The following USP45 variants were observed in gnomAD, a reference collection of about 807,000 sequenced individuals.
USP45 encodes ubiquitin specific peptidase 45.
Under a neutral mutation model 95.8 loss-of-function variants are expected in USP45, and 89 were observed. The ratio of observed to expected loss-of-function variants is 0.93; its 90% CI spans 0.78 to 1.11. The LOEUF is 1.11. Among genes scored for constraint, USP45 ranks in the 50% least tolerant of loss-of-function variants. USP45 has a pLI of 0.00. For missense variants in USP45, 898 were observed against 942.5 expected, an observed-to-expected ratio of 0.95 and a Z score of 0.62; for synonymous variants, 281 against 316.2, an observed-to-expected ratio of 0.89 and a Z score of 1.18.
chr6:99,449,786 C>G (rs1287948194), intron 13 of USP45, among the ~76,000 whole-genome samples: 1 of 152,178 alleles, frequency 6.6e-6, no homozygotes, highest in Non-Finnish European at 1.5e-5. Flanking sequence ...GGAAGTCAAG[C>G]ACTCCTCAGC....
intron 4 of USP45, among the ~76,000 whole-genome samples, 182 bp from the exon 5 acceptor site, chr6:99,504,047 G>T (rs557073936): frequency 6.6e-6 from 1 of 152,338 alleles, no homozygotes; most frequent in South Asian, 2.1e-4. Flanking sequence ...GAGACTTACA[G>T]TTGAAATGAA....
intron 13 of USP45, chr6:99,462,205 A>G (rs1786626364): frequency 1.0e-6 from 1 of 977,108 alleles, no homozygotes; most frequent in Non-Finnish European, 1.2e-6. Context: ...ATTATATGAA[A>G]AAAATTTTCA....
chr6:99,470,280 G>T (rs1269547905), intron 9 of USP45, among the ~76,000 whole-genome samples: 2 of 152,140 alleles, frequency 1.3e-5, no homozygotes, highest in Non-Finnish European at 2.9e-5. Flanking sequence ...ATGCCCTGCT[G>T]CCTGGATAAG....
intron 7 of USP45, among the ~76,000 whole-genome samples, chr6:99,484,004 G>GTTTTTTTTTTTT (rs773687208): frequency 3.3e-5 from 3 of 91,458 alleles, no homozygotes; most frequent in Admixed American, 1.5e-4. Flanking sequence ...ATTTTCCATA[G>GTTTTTTTTTTTT]TTTTTTTTTT....
At chr6:99,483,844 CAAAAA>C (rs71276584) in intron 7 of USP45, among the ~76,000 whole-genome samples, 3 of 86,586 alleles carry the variant, frequency 3.5e-5, no homozygotes, top group African/African-American at 4.7e-5. Context: ...GACTCCGTCT[CAAAAA>C]AAAAAAAAAA....
chr6:99,462,983 ATAATTAAT>A (rs34485253), intron 13 of USP45, among the ~76,000 whole-genome samples: 3 of 152,068 alleles, frequency 2.0e-5, no homozygotes, highest in Non-Finnish European at 4.4e-5. Context: ...CTCTGTCTCA[ATAATTAAT>A]TAATTAATTA....
chr6:99,462,829 CA>C lies in USP45; in HGVS notation c.1308+1774del, dbSNP rs35198274. The C allele has an allele frequency of 1.0e-3, 328 of 323,244 alleles. 6 individuals are homozygous for C. In the East Asian group the frequency reaches 0.036, roughly 36 times the overall value. 20.0% of individuals were successfully genotyped at this position (323,244 alleles called of 1,614,324 possible). A position where few individuals can be genotyped will look rare whatever the true frequency, so the allele number is the denominator to read the frequency against. ...AAAACCCTATCTCTACAAAAAATAA[CA>C]AAAATTAGCCGGGCATGGTGGTGTG... On this transcript the variant is annotated intron_variant, in intron 13 of 17. Transcript: ENST00000500704.
rs186556398 is a variant in USP45, at chr6:99,463,570, T to C, written c.1308+1034A>G. Among the ~76,000 whole-genome samples the C allele has an allele frequency of 1.2e-4, 18 of 152,160 alleles. No individual in the cohort carries two copies. In the East Asian group the frequency reaches 2.9e-3, roughly 24 times the overall value. ...AGAGATTTAAGAGACATGGCAATCA[T>C]TGGGAGGCTGAGGCGGGTGGATCAT... is the stretch of plus-strand genomic sequence containing the variant. On this transcript the variant is annotated intron_variant, in intron 13 of 17. Coordinates refer to ENST00000500704, the MANE Select transcript of USP45 (RefSeq NM_001346022.3).
chr6:99,455,308 G>A (rs1409382672), intron 13 of USP45, among the ~76,000 whole-genome samples: 1 of 151,876 alleles, frequency 6.6e-6, no homozygotes, highest in African/African-American at 2.4e-5. Context: ...AGCTGGGCGT[G>A]GTGGCACATG....
intron 9 of USP45, among the ~76,000 whole-genome samples, chr6:99,472,991 C>A (rs553501376): frequency 6.6e-6 from 1 of 151,700 alleles, no homozygotes; most frequent in Non-Finnish European, 1.5e-5. Context: ...TAGGGGACTA[C>A]GCTAATATCC....
intron 1 of USP45, among the ~76,000 whole-genome samples, chr6:99,514,372 G>T (rs560518144): frequency 6.6e-6 from 1 of 152,282 alleles, no homozygotes; most frequent in Non-Finnish European, 1.5e-5. Context: ...GGTAATTTCG[G>T]CATAAAACAT....
intron 9 of USP45, among the ~76,000 whole-genome samples, chr6:99,471,927 CCA>C (rs2128656458): frequency 6.6e-6 from 1 of 152,276 alleles, no homozygotes; most frequent in East Asian, 1.9e-4. Context: ...TTGAATAGAT[CCA>C]CAGACTTGAC....
chr6:99,472,250 C>T (rs11154871), intron 9 of USP45, among the ~76,000 whole-genome samples: 21,691 of 148,350 alleles, frequency 0.15, 2,273 homozygotes, highest in Non-Finnish European at 0.21. Context: ...ACGTGTCTCA[C>T]TCCCTCACCC....
At chr6:99,450,263 T>C (rs1471305901) in intron 13 of USP45, among the ~76,000 whole-genome samples, 1 of 151,064 alleles carries the variant, frequency 6.6e-6, no homozygotes, top group Non-Finnish European at 1.5e-5. Flanking sequence ...TTTGAAAAGA[T>C]CAACAAAATC....
At chr6:99,487,758 G>A (rs9483936) in intron 7 of USP45, among the ~76,000 whole-genome samples, 3,917 of 151,852 alleles carry the variant, frequency 0.026, 189 homozygotes, top group African/African-American at 0.09. Context: ...TCGCGCCACT[G>A]CACTCCAGCC....
chr6:99,446,490 A>C (rs1302624473), intron 13 of USP45, 27 bp from the exon 14 acceptor site: 1 of 1,092,740 alleles, frequency 9.2e-7, no homozygotes, highest in Non-Finnish European at 1.2e-6. Flanking sequence ...TTTTCAAAGA[A>C]AAGAGTCTTG....
At chr6:99,517,537 C>T (rs1303729707), upstream of USP45, among the ~76,000 whole-genome samples, 4 of 151,512 alleles carry the variant, frequency 2.6e-5, no homozygotes, top group Non-Finnish European at 5.9e-5. Context: ...TGGGTTCAAG[C>T]AATTCTCCTG....
intron 8 of USP45, 96 bp downstream of exon 8, chr6:99,482,657 G>A (rs1040300021): frequency 8.0e-7 from 1 of 1,255,396 alleles, no homozygotes; most frequent in South Asian, 2.1e-5. Context: ...GGCAATAAGA[G>A]CAAAGTTACA....
chr6:99,478,608 G>A (rs573654584), intron 8 of USP45, among the ~76,000 whole-genome samples: 59 of 152,112 alleles, frequency 3.9e-4, no homozygotes, highest in Non-Finnish European at 6.8e-4. Context: ...ATCAACCTAG[G>A]TGCCCATATA....
Sources: gnomAD v4.1 joint callset for allele counts (sites outside exome capture counted in the v4.1 genomes callset) on GRCh38, gnomAD v4.1.1 for gene constraint, MANE v1.5 for transcripts, NCBI Gene and HGNC (gene_info 2026-07-23, HGNC 2026-07-21) for gene names.